Variants in GLI2 observed in about 807,000 individuals in gnomAD.
GLI2 encodes the protein transcription activator GLI2.
In GLI2, 22 loss-of-function variants were observed where a neutral mutation model predicts 78.9. The observed-to-expected ratio is 0.28, with a 90% CI of 0.20 to 0.40. The LOEUF is 0.40. Ranked by LOEUF, GLI2 falls within the 10% of genes least tolerant of loss-of-function variation. GLI2 has a pLI of 1.00. For missense variants in GLI2, 2,097 were observed against 2,213.2 expected, an observed-to-expected ratio of 0.95 and a Z score of 1.05; for synonymous variants, 974 against 963.7, an observed-to-expected ratio of 1.01 and a Z score of -0.20.
chr2:120,767,344 G>A (rs1417404076), intron 1 of GLI2, among the ~76,000 whole-genome samples: 1 of 151,742 alleles, frequency 6.6e-6, no homozygotes, highest in Non-Finnish European at 1.5e-5. Context: ...GGTGCTGGTG[G>A]CCGGAGTCTG....
At chr2:120,848,346 C>G (rs1167791987) in intron 2 of GLI2, among the ~76,000 whole-genome samples, 1 of 152,200 alleles carries the variant, frequency 6.6e-6, no homozygotes, top group Admixed American at 6.5e-5. Flanking sequence ...CGCAGCCTCA[C>G]CCCTCATCTT....
chr2:120,793,914 A>T (rs1250248281), intron 1 of GLI2, among the ~76,000 whole-genome samples: 1 of 152,158 alleles, frequency 6.6e-6, no homozygotes, highest in Non-Finnish European at 1.5e-5. Context: ...CTCACTCCCC[A>T]TGGGGGCCTC....
chr2:120,962,802 T>A (rs1681648097), intron 5 of GLI2, among the ~76,000 whole-genome samples: 1 of 152,220 alleles, frequency 6.6e-6, no homozygotes, highest in South Asian at 2.1e-4. Flanking sequence ...CTGTTTCCTC[T>A]TGTTAGGGGC....
intron 2 of GLI2, among the ~76,000 whole-genome samples, chr2:120,810,226 T>C (rs1190660508): frequency 1.3e-5 from 2 of 152,236 alleles, no homozygotes; most frequent in Admixed American, 6.5e-5. Context: ...TTGCCAGTGC[T>C]ACGCGGTGAG....
chr2:120,805,324 A>C (rs1684899559), intron 2 of GLI2, among the ~76,000 whole-genome samples: 1 of 152,158 alleles, frequency 6.6e-6, no homozygotes, highest in Non-Finnish European at 1.5e-5. Flanking sequence ...CCTCTGTGTC[A>C]CCTTGTTTTC....
chr2:120,854,530 A>ATTTCCTTT (rs1687556408), intron 2 of GLI2, among the ~76,000 whole-genome samples: 1 of 152,172 alleles, frequency 6.6e-6, no homozygotes, highest in Non-Finnish European at 1.5e-5. Context: ...AGGATCCCAG[A>ATTTCCTTT]AGAACCTTTG....
At chr2:120,862,717 G>A (rs1407440721) in intron 2 of GLI2, among the ~76,000 whole-genome samples, 1 of 152,184 alleles carries the variant, frequency 6.6e-6, no homozygotes, top group East Asian at 1.9e-4. Context: ...TGGTGCCTGT[G>A]CAGGGCAGGC....
intron 2 of GLI2, among the ~76,000 whole-genome samples, chr2:120,893,113 C>T (rs1677761745): frequency 6.6e-6 from 1 of 152,252 alleles, no homozygotes. Flanking sequence ...TTGCCACAGC[C>T]TTCTCAAATA....
intron 1 of GLI2, among the ~76,000 whole-genome samples, chr2:120,765,035 G>A (rs1683325773): frequency 1.3e-5 from 2 of 152,202 alleles, no homozygotes; most frequent in Admixed American, 1.3e-4. Flanking sequence ...CTTCCTGTAT[G>A]TGGTGAGCGC....
intron 1 of GLI2, among the ~76,000 whole-genome samples, chr2:120,746,251 G>C (rs1682689466): frequency 1.3e-5 from 2 of 152,244 alleles, no homozygotes; most frequent in Non-Finnish European, 2.9e-5. Context: ...TCCCAAGCCT[G>C]CCCTGGTGGT....
rs773093578 is a variant in GLI2, at chr2:120,974,957, G to C, written c.1183-18G>C. 1.2e-6 allele frequency: 2 copies of C among 1,614,236 alleles called. No individual in the cohort carries two copies. Among genetic ancestry groups the C allele is most frequent in the Non-Finnish European group, 1.7e-6 (2 of 1,180,046 alleles). ...GTCTGGACACGGCTCATGTGGGTGT[G>C]CCCTTCCCCTCTCCCAGGAGCAGCT... On this transcript the variant is annotated intron_variant, in intron 8 of 13. Transcript: ENST00000361492.
chr2:120,936,574 G>A (rs983836962), intron 3 of GLI2, among the ~76,000 whole-genome samples: 4 of 152,206 alleles, frequency 2.6e-5, no homozygotes, highest in African/African-American at 9.6e-5. Context: ...TCCTCAGAGA[G>A]GAAAGAGAGT....
intron 2 of GLI2, among the ~76,000 whole-genome samples, chr2:120,811,888 T>A (rs1685259234): frequency 6.6e-6 from 1 of 151,840 alleles, no homozygotes; most frequent in Admixed American, 6.5e-5. Flanking sequence ...TTTCCACAAG[T>A]GTTTACTGGG....
rs1485584634 is a variant in GLI2 at position 120,988,812 on chromosome 2, C to G, written c.2847C>G (p.Ala949=). ...CCCACGAGGCTCCAGGCGGCGGAGC[C>G]AGGCGGGCCAGCGACCCTGTGCGGC... ...AFPHEAPGGG[A]RRASDPVRRP... The change falls in exon 14 of 14, where the codon GCC becomes GCG. Residue 949 remains alanine, a synonymous_variant. Coordinates refer to ENST00000361492, the MANE Select transcript of GLI2 (RefSeq NM_001374353.1). 4 of 1,417,838 alleles carry G rather than the reference C, an allele frequency of 2.8e-6. No individual in the cohort carries two copies. Among genetic ancestry groups the G allele is most frequent in the Non-Finnish European group, 2.8e-6 (3 of 1,085,990 alleles). 87.8% of individuals were successfully genotyped at this position (1,417,838 alleles called of 1,614,324 possible).
intron 3 of GLI2, among the ~76,000 whole-genome samples, 187 bp from the exon 4 acceptor site, chr2:120,951,056 C>G (rs1264890264): frequency 1.3e-5 from 2 of 152,238 alleles, no homozygotes; most frequent in South Asian, 4.1e-4. Context: ...CATTCACTGA[C>G]TAATGCTTGA....
intron 1 of GLI2, among the ~76,000 whole-genome samples, chr2:120,793,067 C>T (rs1311046770): frequency 2.0e-5 from 3 of 152,218 alleles, no homozygotes; most frequent in African/African-American, 7.2e-5. Context: ...TGGGGAATCA[C>T]AATCTCCAGG....
intron 10 of GLI2, among the ~76,000 whole-genome samples, chr2:120,981,310 CA>C (rs1682709566): frequency 6.6e-6 from 1 of 152,196 alleles, no homozygotes; most frequent in Non-Finnish European, 1.5e-5. Context: ...GTATCCTTGT[CA>C]AAAATCAATT....
At chr2:120,968,996 G>T (rs1682005604) in intron 6 of GLI2, 81 bp downstream of exon 6, 2 of 1,073,778 alleles carry the variant, frequency 1.9e-6, no homozygotes, top group Non-Finnish European at 2.8e-6. Context: ...TTTTCAGTGG[G>T]CGCTTTTGAC....
chr2:120,968,747 G>C lies in GLI2; in HGVS notation c.677G>C (p.Arg226Pro). 1 of 1,611,372 alleles carries C rather than the reference G, an allele frequency of 6.2e-7. No homozygotes were observed. The highest frequency in any genetic ancestry group is 8.5e-7 in the Non-Finnish European group (1 of 1,178,948). ...SRFSSPRVTP[R>P]LSRKRALSIS... ...TTCTCCAGCCCGCGGGTGACGCCCC[G>C]CCTGAGCCGCAAGCGGGCGCTGTCC... The change falls in exon 6 of 14, where the codon CGC becomes CCC. Residue 226 changes from arginine to proline, a missense_variant. Coordinates refer to ENST00000361492, the MANE Select transcript of GLI2 (RefSeq NM_001374353.1).
Sources: gnomAD v4.1 joint callset for allele counts (sites outside exome capture counted in the v4.1 genomes callset) on GRCh38, gnomAD v4.1.1 for gene constraint, MANE v1.5 for transcripts, NCBI Gene and HGNC (gene_info 2026-07-23, HGNC 2026-07-21) for gene names.